The following SLC30A3 variants were observed in gnomAD, a reference collection of about 807,000 sequenced individuals.
SLC30A3 encodes the protein probable proton-coupled zinc antiporter SLC30A3.
Under a neutral mutation model 35.6 loss-of-function variants are expected in SLC30A3, and 20 were observed. The ratio of observed to expected loss-of-function variants is 0.56; its 90% CI spans 0.39 to 0.82. The LOEUF (loss-of-function observed/expected upper bound fraction) is 0.82. Among genes scored for constraint, SLC30A3 ranks in the 40% least tolerant of loss-of-function variants. SLC30A3 has a pLI of 0.00. For missense variants in SLC30A3, 401 were observed against 530.6 expected, an observed-to-expected ratio of 0.76 and a Z score of 2.40; for synonymous variants, 217 against 224.7, an observed-to-expected ratio of 0.97 and a Z score of 0.31.
chr2:27,272,190 G>C (rs1475700098), intron 1 of SLC30A3, among the ~76,000 whole-genome samples: 1 of 152,144 alleles, frequency 6.6e-6, no homozygotes, highest in Non-Finnish European at 1.5e-5. Context: ...GGGAGTTCAG[G>C]ATCACGTTAT....
chr2:27,263,998 G>T, upstream of SLC30A3: 1 of 1,280,588 alleles, frequency 7.8e-7, no homozygotes, highest in Non-Finnish European at 1.0e-6. Context: ...CCCAGGGGAG[G>T]GAGCGACTTA....
At chr2:27,263,236 T>C (rs892657726), upstream of SLC30A3, 5 of 552,814 alleles carry the variant, frequency 9.0e-6, no homozygotes, top group African/African-American at 4.4e-5. Context: ...TCTGGAGAAC[T>C]CCTCATCTCC....
chr2:27,268,722 CAA>C (rs760800564), intron 1 of SLC30A3, among the ~76,000 whole-genome samples: 17 of 99,896 alleles, frequency 1.7e-4, no homozygotes, highest in Admixed American at 2.2e-4. Flanking sequence ...GACTCTGTCT[CAA>C]AAAAAAAAAA....
chr2:27,262,945 G>A lies in SLC30A3; in HGVS notation c.-39C>T. ...CGACCGTCTAGGCCCCACCGAGGAA[G>A]AGAGAGGCCGGGCCGGCCCCGCGCC... On this transcript the variant is annotated 5_prime_UTR_variant, in exon 1 of 8. Transcript: ENST00000233535. The surrounding 1 kb of genome is among the most constrained non-coding windows in gnomAD (Gnocchi z 7.5). The A allele has an allele frequency of 6.7e-7, 1 of 1,495,018 alleles. No homozygotes were observed. The highest frequency in any genetic ancestry group is 8.8e-7 in the Non-Finnish European group (1 of 1,133,172). 92.6% of individuals were successfully genotyped at this position (1,495,018 alleles called of 1,614,324 possible).
chr2:27,257,772 G>A lies in SLC30A3; in HGVS notation c.578+133C>T, dbSNP rs143116372. On this transcript the variant is annotated intron_variant, in intron 4 of 7. Transcript: ENST00000233535. This position sits in a 1 kb window ranked among gnomAD's most constrained non-coding sequence, Gnocchi z 4.7. ...TATCCCAGACCCTTCTCAGGCACACGCAGGGCAGCCCATGGAGAGCTGTGT... is the reference window on the plus strand; with the variant it reads ...TATCCCAGACCCTTCTCAGGCACACACAGGGCAGCCCATGGAGAGCTGTGT... The A allele has an allele frequency of 1.2e-5, 11 of 912,344 alleles. No individual in the cohort carries two copies. Among genetic ancestry groups the A allele is most frequent in the East Asian group, 5.3e-5 (2 of 37,692 alleles). The allele number at this position is 912,344 out of a possible 1,614,324, so 56.5% of individuals were successfully genotyped here. A position where few individuals can be genotyped will look rare whatever the true frequency, so the allele number is the denominator to read the frequency against.
At chr2:27,265,036 C>A (rs1558565710), upstream of SLC30A3, among the ~76,000 whole-genome samples, 1 of 152,218 alleles carries the variant, frequency 6.6e-6, no homozygotes, top group East Asian at 1.9e-4. This position sits in a 1 kb window ranked among gnomAD's most constrained non-coding sequence, Gnocchi z 5.9. Context: ...GTGACCCTGG[C>A]GGGTGAGCTC....
At chr2:27,268,979 A>G (rs1677612578) in intron 1 of SLC30A3, among the ~76,000 whole-genome samples, 1 of 152,132 alleles carries the variant, frequency 6.6e-6, no homozygotes, top group African/African-American at 2.4e-5. Context: ...AAATCCTTTA[A>G]CTGGGGTGCA....
Position 27,255,961 on chromosome 2 carries a change from C to CT in SLC30A3, c.1018+424dup, listed in dbSNP as rs1676821743. 2 of 208,966 alleles carry CT rather than the reference C, an allele frequency of 9.6e-6. No homozygotes were observed. Among genetic ancestry groups the CT allele is most frequent in the South Asian group, 1.8e-4 (2 of 10,902 alleles). 12.9% of individuals were successfully genotyped at this position (208,966 alleles called of 1,614,324 possible). A position where few individuals can be genotyped will look rare whatever the true frequency, so the allele number is the denominator to read the frequency against. ...AATGTAGATGCAATTTTATATTCAG[C>CT]TTTTTTCTCAGCATTATACCATAAA... On this transcript the variant is annotated intron_variant, in intron 7 of 7. Coordinates refer to ENST00000233535, the MANE Select transcript of SLC30A3 (RefSeq NM_003459.5). The surrounding 1 kb of genome is among the most constrained non-coding windows in gnomAD (Gnocchi z 5.2).
Position 27,262,849 on chromosome 2 carries a change from C to G in SLC30A3, c.58G>C (p.Asp20His), listed in dbSNP as rs1171042344. ...LETTRLVSPR[D>H]RGGAGGSLRL... is the part of the protein sequence containing the mutation. ...AGGCTGCCTCCGGCGCCACCGCGGT[C>G]CCGGGGGCTCACCAGGCGAGTGGTC... Residue 20 changes from aspartate (D) to histidine (H), a missense_variant, in exon 1 of 8, where the codon GAC becomes CAC. Physicochemically the swap from Asp to His is moderately conservative, Grantham distance 81. Transcript: ENST00000233535. This position sits in a 1 kb window ranked among gnomAD's most constrained non-coding sequence, Gnocchi z 7.5. 1 of 1,566,264 alleles carries G rather than the reference C, an allele frequency of 6.4e-7. No individual in the cohort carries two copies. Among genetic ancestry groups the G allele is most frequent in the African/African-American group, 1.4e-5 (1 of 70,130 alleles).
upstream of SLC30A3, chr2:27,263,990 C>A: frequency 7.9e-7 from 1 of 1,272,698 alleles, no homozygotes; most frequent in Non-Finnish European, 1.0e-6. Flanking sequence ...AACTAAAACC[C>A]AGGGGAGGGA....
upstream of SLC30A3, chr2:27,263,888 G>C (rs1168078289): frequency 2.1e-6 from 1 of 477,166 alleles, no homozygotes; most frequent in Non-Finnish European, 3.9e-6. Context: ...AGGGGCTGAG[G>C]GGCAGCGGGG....
chr2:27,268,436 G>A (rs772462784), intron 1 of SLC30A3, among the ~76,000 whole-genome samples: 6 of 152,164 alleles, frequency 3.9e-5, no homozygotes, highest in African/African-American at 1.2e-4. Context: ...TATTTAGTGC[G>A]GAGACCTGTT....
rs1191543544 is a variant in SLC30A3, at chr2:27,262,880, GC to G, written c.26del (p.Gly9AlafsTer8). 1.9e-6 allele frequency: 3 copies of G among 1,557,478 alleles called. No individual in the cohort carries two copies. The highest frequency in any genetic ancestry group is 1.2e-5 in the South Asian group (1 of 84,776). On this transcript the variant is annotated frameshift_variant, in exon 1 of 8. Coordinates refer to ENST00000233535, the MANE Select transcript of SLC30A3 (RefSeq NM_003459.5). LOFTEE classifies it high-confidence loss of function. This position sits in a 1 kb window ranked among gnomAD's most constrained non-coding sequence, Gnocchi z 7.5. MEPSPAAG[G>X]LETTRLVSPR... ...GGCTCACCAGGCGAGTGGTCTCCAA[GC>G]CCCCAGCGGCTGGAGAGGGCTCCAT...
chr2:27,256,849 G>A lies in SLC30A3; in HGVS notation c.822C>T (p.Ser274=), dbSNP rs746080892. The A allele has an allele frequency of 6.2e-7, 1 of 1,606,550 alleles. No individual in the cohort carries two copies. The highest frequency in any genetic ancestry group is 8.5e-7 in the Non-Finnish European group (1 of 1,178,396). Residue 274 remains serine (S), a synonymous_variant, in exon 6 of 8, where the codon TCC becomes TCT. Coordinates refer to ENST00000233535, the MANE Select transcript of SLC30A3 (RefSeq NM_003459.5). ...GAGCGGTGGATCCAAGGGCACAGAT[G>A]GAGAAGAGGAAGGTGCTGATGGGGT... ...AADPISTFLF[S]ICALGSTAPT... is the part of the protein sequence containing the mutation.
intron 1 of SLC30A3, among the ~76,000 whole-genome samples, chr2:27,269,650 A>C (rs1277244635): frequency 1.4e-4 from 22 of 151,966 alleles, no homozygotes; most frequent in Admixed American, 1.4e-3. Flanking sequence ...TAAAGAAGAG[A>C]AGAAAGAGCA....
At chr2:27,272,494 ATT>A (rs1216610551) in intron 1 of SLC30A3, among the ~76,000 whole-genome samples, 12 of 133,700 alleles carry the variant, frequency 9.0e-5, no homozygotes, top group Admixed American at 3.8e-4. Context: ...GAAGGCAGCT[ATT>A]TTTTTTTTTT....
At chr2:27,273,092 A>AGT (rs58847409) in intron 1 of SLC30A3, among the ~76,000 whole-genome samples, 7,522 of 140,828 alleles carry the variant, frequency 0.053, 204 homozygotes, top group South Asian at 0.07. Context: ...ACATATACAC[A>AGT]GTGTGTGTGT....
intron 1 of SLC30A3, among the ~76,000 whole-genome samples, chr2:27,261,555 C>CTGCT (rs1677182691): frequency 6.6e-6 from 1 of 152,168 alleles, no homozygotes. Context: ...CATCAACAGG[C>CTGCT]TGCTCCCTTT....
chr2:27,267,424 C>A (rs1677538674), upstream of SLC30A3, among the ~76,000 whole-genome samples: 1 of 152,184 alleles, frequency 6.6e-6, no homozygotes. Flanking sequence ...CTCCTCTGAT[C>A]TCATTTCACA....
Sources: allele counts gnomAD v4.1 joint callset (sites outside exome capture counted in the v4.1 genomes callset), GRCh38; gene constraint gnomAD v4.1.1; non-coding constraint Gnocchi (gnomAD v3.1); transcripts MANE v1.5; gene names NCBI Gene and HGNC (gene_info 2026-07-23, HGNC 2026-07-21).